Variants in SLC22A25 observed in about 807,000 individuals in gnomAD.
SLC22A25 encodes MGI:2442751, MGI:2385316, MGI:3042283, MGI:3645714, MGI:3605624, MGI:2442750.
SLC22A25 carries 44 observed loss-of-function variants against 45.9 expected under a neutral mutation model. The observed-to-expected ratio is 0.96, with a 90% CI of 0.75 to 1.23. SLC22A25 has a LOEUF of 1.23. Among genes scored for constraint, SLC22A25 ranks in the 50% most tolerant of loss-of-function variants. The probability of loss-of-function intolerance (pLI) is 0.00; values close to 1 mark genes in which losing one functional copy is unlikely to be tolerated. For missense variants in SLC22A25, 800 were observed against 666.4 expected, an observed-to-expected ratio of 1.20 and a Z score of -2.21; for synonymous variants, 283 against 238.6, an observed-to-expected ratio of 1.19 and a Z score of -1.72.
intron 8 of SLC22A25, among the ~76,000 whole-genome samples, chr11:63,183,428 G>T (rs2088400966): frequency 6.6e-6 from 1 of 152,064 alleles, no homozygotes; most frequent in East Asian, 1.9e-4. Flanking sequence ...TATGGAGTTA[G>T]AGTGAGTCCA....
chr11:63,189,490 CTTTAAACA>C (rs1416169191), intron 7 of SLC22A25, among the ~76,000 whole-genome samples: 1 of 152,164 alleles, frequency 6.6e-6, no homozygotes, highest in Non-Finnish European at 1.5e-5. Context: ...GGTCTTGACT[CTTTAAACA>C]ATTTGCCAGT....
rs759322325 is a variant in SLC22A25, at chr11:63,166,048, A to G, written c.1281T>C (p.Pro427=). The change falls in exon 10 of 12, where the codon CCT becomes CCC. Residue 427 remains proline, a synonymous_variant. Coordinates refer to ENST00000306494, the MANE Select transcript of SLC22A25 (RefSeq NM_199352.6). ...CCACCTGTGAACTTTTCTCACCTTG[A>G]GGCACAAATATGATGGCCAGAAGGC... ...ATCLLAIIFV[P]QEMQTLRVVL... 3.5e-5 allele frequency: 56 copies of G among 1,613,588 alleles called. No homozygotes were observed. The highest frequency in any genetic ancestry group is 4.6e-5 in the Non-Finnish European group (54 of 1,179,740).
intron 7 of SLC22A25, among the ~76,000 whole-genome samples, chr11:63,188,231 T>G (rs972257304): frequency 6.6e-6 from 1 of 152,234 alleles, no homozygotes; most frequent in African/African-American, 2.4e-5. Context: ...GAGCCTGTTA[T>G]TGGTCTATTC....
chr11:63,177,039 G>A lies in SLC22A25; in HGVS notation c.1070+3621C>T, dbSNP rs116882782. ...CTGGATATAATACTTTTTGTTGGCA[G>A]TTTTCATCTCTAAATATATCATCAT... On this transcript the variant is annotated intron_variant, in intron 9 of 11. Coordinates refer to ENST00000306494, the MANE Select transcript of SLC22A25 (RefSeq NM_199352.6). Among the ~76,000 whole-genome samples the A allele has an allele frequency of 4.6e-3, 704 of 152,000 alleles. 1 individual carries two copies. The highest frequency in any genetic ancestry group is 7.6e-3 in the Non-Finnish European group (513 of 67,916).
intron 3 of SLC22A25, among the ~76,000 whole-genome samples, chr11:63,230,335 C>T (rs2090043553): frequency 6.6e-6 from 1 of 152,096 alleles, no homozygotes; most frequent in Non-Finnish European, 1.5e-5. Flanking sequence ...GTGCTAAGCT[C>T]ATATGGAGGT....
chr11:63,217,954 C>A, intron 5 of SLC22A25: 1 of 647,692 alleles, frequency 1.5e-6, no homozygotes, highest in Non-Finnish European at 2.7e-6. Context: ...CTTCTCCAAT[C>A]TGTTGCCAGT....
intron 7 of SLC22A25, among the ~76,000 whole-genome samples, chr11:63,191,541 G>A (rs188944412): frequency 4.6e-5 from 7 of 152,154 alleles, no homozygotes; most frequent in African/African-American, 1.7e-4. Context: ...TCAGTGCACT[G>A]CACCCACTGT....
In SLC22A25 at chr11:63,159,319, A is replaced by G. The variant is rs1348501166; in HGVS notation, c.*4505T>C. ...CCCCACCCAAATCTCATCTTGAATT[A>G]TAGCTCCCATAGTTCCCACCTGTCA... On this transcript the variant is annotated 3_prime_UTR_variant, in exon 12 of 12. Transcript: ENST00000306494. Among the ~76,000 whole-genome samples the G allele has an allele frequency of 6.6e-6, 1 of 152,160 alleles. No individual in the cohort carries two copies. The highest frequency in any genetic ancestry group is 1.5e-5 in the Non-Finnish European group (1 of 68,024).
intron 11 of SLC22A25, 142 bp from the exon 12 acceptor site, chr11:63,164,215 T>C (rs888019822): frequency 3.4e-6 from 4 of 1,163,890 alleles, no homozygotes; most frequent in Non-Finnish European, 4.8e-6. Flanking sequence ...TTTTCTCTTA[T>C]TTGCTAGCAA....
rs540827645 is a variant in SLC22A25 at position 63,243,441 on chromosome 11, G to T, written c.-1003C>A. 3 of 753,406 alleles carry T rather than the reference G, an allele frequency of 4.0e-6. No individual in the cohort carries two copies. Among genetic ancestry groups the T allele is most frequent in the Non-Finnish European group, 7.5e-6 (3 of 401,754 alleles). 46.7% of individuals were successfully genotyped at this position (753,406 alleles called of 1,614,324 possible). A position where few individuals can be genotyped will look rare whatever the true frequency, so the allele number is the denominator to read the frequency against. ...CCTCTGGCCACGATTTACCTGGACT[G>T]TTTCTTCGCCAGGATCCCAACTTCA... On this transcript the variant is annotated 5_prime_UTR_variant, in exon 1 of 12. Coordinates refer to ENST00000306494, the MANE Select transcript of SLC22A25 (RefSeq NM_199352.6).
chr11:63,187,779 C>T (rs1216899768), intron 7 of SLC22A25, among the ~76,000 whole-genome samples: 3 of 152,112 alleles, frequency 2.0e-5, no homozygotes, highest in Non-Finnish European at 2.9e-5. Flanking sequence ...TATCAAAGGC[C>T]GTTTCTGCAT....
At chr11:63,203,702 G>A (rs891278369) in intron 7 of SLC22A25, among the ~76,000 whole-genome samples, 20 of 152,036 alleles carry the variant, frequency 1.3e-4, no homozygotes, top group South Asian at 8.3e-4. Context: ...TGAAAGTGAC[G>A]AGGAGAATGA....
At chr11:63,240,972 TA>T (rs994888561) in intron 1 of SLC22A25, among the ~76,000 whole-genome samples, 3 of 151,804 alleles carry the variant, frequency 2.0e-5, no homozygotes, top group East Asian at 1.9e-4. Flanking sequence ...AATGAGACCA[TA>T]AAAAAAAATT....
chr11:63,174,897 T>C (rs2088030302), intron 9 of SLC22A25, among the ~76,000 whole-genome samples: 1 of 152,152 alleles, frequency 6.6e-6, no homozygotes, highest in Admixed American at 6.6e-5. Flanking sequence ...GTGTTTGTCC[T>C]TCTGTCCTGG....
intron 9 of SLC22A25, among the ~76,000 whole-genome samples, chr11:63,179,103 A>G (rs1281252676): frequency 6.6e-6 from 1 of 151,982 alleles, no homozygotes; most frequent in African/African-American, 2.4e-5. Flanking sequence ...CTGGGATTAC[A>G]GGGCCATGAT....
At chr11:63,212,942 C>T (rs1239601427) in intron 7 of SLC22A25, among the ~76,000 whole-genome samples, 1 of 152,182 alleles carries the variant, frequency 6.6e-6, no homozygotes, top group Non-Finnish European at 1.5e-5. Flanking sequence ...GGAGGAATGC[C>T]TCCAAGGAAT....
At chr11:63,183,606 C>T (rs1467205470) in intron 8 of SLC22A25, 88 bp downstream of exon 8, 1 of 1,555,270 alleles carries the variant, frequency 6.4e-7, no homozygotes, top group Non-Finnish European at 8.8e-7. Flanking sequence ...CTGTGTTTCT[C>T]TCCTTTATTC....
intron 9 of SLC22A25, among the ~76,000 whole-genome samples, chr11:63,172,508 T>C (rs1424043647): frequency 6.6e-6 from 1 of 152,136 alleles, no homozygotes. Flanking sequence ...AAATAAGACA[T>C]TTATGTGGCC....
At chr11:63,243,240 GCC>G (rs761870545) in intron 1 of SLC22A25, 192 bp downstream of exon 1, 119 of 336,564 alleles carry the variant, frequency 3.5e-4, no homozygotes, top group Non-Finnish European at 6.3e-4. Context: ...AGGCCATCCA[GCC>G]GTACATGCAC....
Sources: allele counts gnomAD v4.1 joint callset (sites outside exome capture counted in the v4.1 genomes callset), GRCh38; gene constraint gnomAD v4.1.1; transcripts MANE v1.5; gene names NCBI Gene and HGNC (gene_info 2026-07-23, HGNC 2026-07-21).